Variants in OXR1 observed in about 807,000 individuals in gnomAD.
The protein encoded by OXR1 is oxidation resistance protein 1.
A neutral mutation model predicts 104.6 loss-of-function variants in OXR1; 41 were observed. The ratio of observed to expected loss-of-function variants is 0.39; its 90% CI spans 0.31 to 0.51. The LOEUF is 0.51. OXR1 is among the 20% of genes least tolerant of loss of function. The pLI is 0.77. For synonymous variants in OXR1, 348 were observed against 348.4 expected (o/e 1.00, Z 0.01); for missense variants, 955 against 1,031.9 (o/e 0.93, Z 1.02).
chr8:106,274,846 A>G (rs1353236370), intron 1 of OXR1, among the ~76,000 whole-genome samples: 1 of 152,214 alleles, frequency 6.6e-6, no homozygotes, highest in Non-Finnish European at 1.5e-5. Context: ...TGAGGAAAAG[A>G]TGACTTCAGT....
At chr8:106,336,983 A>G (rs1257657399) in intron 1 of OXR1, among the ~76,000 whole-genome samples, 2 of 152,206 alleles carry the variant, frequency 1.3e-5, no homozygotes, top group South Asian at 2.1e-4. Flanking sequence ...ATAAAACTGT[A>G]CTTATATTTT....
intron 1 of OXR1, among the ~76,000 whole-genome samples, chr8:106,330,794 C>G (rs920231627): frequency 6.6e-6 from 1 of 152,162 alleles, no homozygotes; most frequent in Non-Finnish European, 1.5e-5. Context: ...TTTTCATCAG[C>G]ATTGAACCAT....
rs750114474 is a variant in OXR1 at position 106,367,238 on chromosome 8, AT to A, written c.23+7608del. Among the ~76,000 whole-genome samples the A allele has an allele frequency of 1.2e-3, 183 of 151,160 alleles. 3 individuals are homozygous for A. The highest frequency in any genetic ancestry group is 0.011 in the Admixed American group (166 of 15,152). On this transcript the variant is annotated intron_variant, in intron 2 of 16. Transcript: ENST00000517566. Reference sequence around the variant, plus strand: ...CACCATGCCCGGCTAATTTTTTTGTATTTTTTAGTAGAGAGAGGGTTTCACT... The same window carrying A: ...CACCATGCCCGGCTAATTTTTTTGTATTTTTAGTAGAGAGAGGGTTTCACT...
At chr8:106,399,874 TATG>T (rs1817930832) in intron 2 of OXR1, among the ~76,000 whole-genome samples, 1 of 152,180 alleles carries the variant, frequency 6.6e-6, no homozygotes, top group African/African-American at 2.4e-5. Flanking sequence ...TTGCTGTCTC[TATG>T]ATAAGATAAA....
In OXR1 at chr8:106,703,011, A is replaced by G. The variant is rs753769638; in HGVS notation, c.781A>G (p.Met261Val). The change falls in exon 8 of 17, where the codon ATG becomes GTG. Residue 261 changes from methionine to valine, a missense_variant. This residue lies in a region of OXR1 where 849 missense variants were observed against 852.9 expected (regional missense o/e 1.00). Transcript: ENST00000517566. The stretch of plus-strand genomic sequence containing the variant: ...GAATGGCTGTGAGGAATATGGCATC[A>G]TGTGTCCAATGGAAGAGGTGATGTC... Reference protein sequence around the residue: ...QENGCEEYGIMCPMEEVMSAA... With the variant: ...QENGCEEYGIVCPMEEVMSAA... 1.5e-5 allele frequency: 25 copies of G among 1,613,686 alleles called. No homozygotes were observed. In the Admixed American group the frequency reaches 2.3e-4, roughly 15 times the overall value.
chr8:106,309,263 T>C (rs2130124827), intron 1 of OXR1, among the ~76,000 whole-genome samples: 1 of 152,330 alleles, frequency 6.6e-6, no homozygotes, highest in Non-Finnish European at 1.5e-5. Flanking sequence ...ATTACAGGTG[T>C]GAGCACTGCT....
rs1835846583 is a variant in OXR1 at position 106,750,892 on chromosome 8, A to T, written c.2573A>T (p.Lys858Met). ...CKTFGNRTLS[K>M]KEDFFIQDIE... The stretch of plus-strand genomic sequence containing the variant: ...ACGTTTGGGAATCGTACACTTTCTA[A>T]GAAGGAAGATTTCTTTATCCAAGAT... The change falls in exon 17 of 17, where the codon AAG becomes ATG. Residue 858 changes from lysine (K) to methionine (M), a missense_variant. By Grantham distance (95) the Lys-to-Met change is moderately conservative (BLOSUM62 -1). Coordinates refer to ENST00000517566, the MANE Select transcript of OXR1 (RefSeq NM_001198533.2). 2 of 1,607,510 alleles carry T rather than the reference A, an allele frequency of 1.2e-6. No individual in the cohort carries two copies. Among genetic ancestry groups the T allele is most frequent in the African/African-American group, 2.7e-5 (2 of 74,744 alleles).
chr8:106,743,572 C>T (rs1563767264), intron 15 of OXR1, among the ~76,000 whole-genome samples: 1 of 152,200 alleles, frequency 6.6e-6, no homozygotes, highest in African/African-American at 2.4e-5. Flanking sequence ...CCACCCTCCT[C>T]GGCCTCCCAG....
At chr8:106,556,345 A>C (rs1033441994) in intron 3 of OXR1, among the ~76,000 whole-genome samples, 1 of 152,180 alleles carries the variant, frequency 6.6e-6, no homozygotes, top group Non-Finnish European at 1.5e-5. Flanking sequence ...TTATGATGTC[A>C]TCAGAGAGAG....
chr8:106,410,864 C>T (rs1045523951), intron 2 of OXR1, among the ~76,000 whole-genome samples: 5 of 152,112 alleles, frequency 3.3e-5, no homozygotes, highest in African/African-American at 1.2e-4. Context: ...GTTTCTGTTG[C>T]ATCTATGGTT....
At chr8:106,355,277 A>C (rs530772700) in intron 1 of OXR1, among the ~76,000 whole-genome samples, 1 of 152,312 alleles carries the variant, frequency 6.6e-6, no homozygotes, top group Admixed American at 6.5e-5. Flanking sequence ...GTAAGTGTGG[A>C]GAATGATGTT....
intron 1 of OXR1, among the ~76,000 whole-genome samples, chr8:106,318,899 A>G (rs1814096168): frequency 6.6e-6 from 1 of 152,228 alleles, no homozygotes; most frequent in East Asian, 1.9e-4. Context: ...GTTAAAAGTC[A>G]TTGTAATAAA....
intron 2 of OXR1, among the ~76,000 whole-genome samples, chr8:106,458,300 G>A (rs1209219791): frequency 2.0e-5 from 3 of 152,148 alleles, no homozygotes; most frequent in African/African-American, 7.2e-5. Context: ...CTGGTGCAGT[G>A]CTCTTTGGCT....
At chr8:106,732,550 G>A (rs1028090050) in intron 11 of OXR1, among the ~76,000 whole-genome samples, 5 of 151,978 alleles carry the variant, frequency 3.3e-5, no homozygotes, top group African/African-American at 9.7e-5. Context: ...ATCCAGTTGA[G>A]GGAGTTCTTC....
intron 9 of OXR1, chr8:106,707,833 G>A (rs1212914059): frequency 6.6e-6 from 1 of 152,166 alleles, no homozygotes; most frequent in East Asian, 1.9e-4. Context: ...CTATTAGAAT[G>A]TTTATCCCAG....
intron 2 of OXR1, among the ~76,000 whole-genome samples, chr8:106,451,522 T>C (rs1480045969): frequency 6.6e-6 from 1 of 152,206 alleles, no homozygotes; most frequent in Non-Finnish European, 1.5e-5. Flanking sequence ...TCAGTTTCAA[T>C]TTATATAATG....
intron 3 of OXR1, among the ~76,000 whole-genome samples, chr8:106,592,161 T>A (rs945598823): frequency 6.6e-5 from 10 of 152,150 alleles, no homozygotes; most frequent in South Asian, 4.1e-4. Flanking sequence ...CCCTATTAAA[T>A]TAAAAGTCAA....
chr8:106,573,196 G>T (rs1817594991), intron 3 of OXR1, among the ~76,000 whole-genome samples: 1 of 152,046 alleles, frequency 6.6e-6, no homozygotes, highest in African/African-American at 2.4e-5. Context: ...AGGGCAATAT[G>T]GTTTACTCAG....
chr8:106,345,329 G>A (rs1364234150), intron 1 of OXR1, among the ~76,000 whole-genome samples: 1 of 152,192 alleles, frequency 6.6e-6, no homozygotes, highest in African/African-American at 2.4e-5. Flanking sequence ...AGCTAGGAGG[G>A]ATGTGTTGGG....
Sources: allele counts gnomAD v4.1 joint callset (sites outside exome capture counted in the v4.1 genomes callset), GRCh38; gene constraint gnomAD v4.1.1; regional missense constraint gnomAD v4.1.1; transcripts MANE v1.5; gene names NCBI Gene and HGNC (gene_info 2026-07-23, HGNC 2026-07-21).